ALK: variants seen among roughly 807,000 people sequenced by gnomAD.
ALK encodes ALK receptor tyrosine kinase, also known as ALK tyrosine kinase receptor.
A neutral mutation model predicts 163.1 loss-of-function variants in ALK; 74 were observed. The ratio of observed to expected loss-of-function variants is 0.45; its 90% CI spans 0.38 to 0.55. The LOEUF (loss-of-function observed/expected upper bound fraction) is 0.55. ALK is among the 20% of genes least tolerant of loss of function. The probability of loss-of-function intolerance (pLI) is 0.00; values close to 1 mark genes in which losing one functional copy is unlikely to be tolerated. For missense variants in ALK, 2,063 were observed against 2,105.3 expected, an observed-to-expected ratio of 0.98 and a Z score of 0.39; for synonymous variants, 960 against 843.2, an observed-to-expected ratio of 1.14 and a Z score of -2.40.
intron 4 of ALK, among the ~76,000 whole-genome samples, chr2:29,390,497 G>A (rs56330877): frequency 0.13 from 20,390 of 151,802 alleles, 1,744 homozygotes; most frequent in East Asian, 0.32. Context: ...GTGTCTGGAC[G>A]AGGTGTGAAG....
chr2:29,908,635 T>C (rs1030226688), intron 1 of ALK, among the ~76,000 whole-genome samples: 7 of 152,214 alleles, frequency 4.6e-5, no homozygotes, highest in Admixed American at 3.9e-4. Flanking sequence ...AGAGCTATAG[T>C]TTCCTGTCTC....
At chr2:29,786,820 G>A (rs1192860794) in intron 1 of ALK, among the ~76,000 whole-genome samples, 1 of 152,026 alleles carries the variant, frequency 6.6e-6, no homozygotes, top group Non-Finnish European at 1.5e-5. Flanking sequence ...GAGATGGAGT[G>A]TTGCTCTGTA....
At chr2:29,842,001 C>T (rs893164698) in intron 1 of ALK, among the ~76,000 whole-genome samples, 1 of 151,988 alleles carries the variant, frequency 6.6e-6, no homozygotes, top group Non-Finnish European at 1.5e-5. Context: ...CTCCATCCTC[C>T]TCTTCACTCC....
chr2:29,343,973 G>A (rs929033408), intron 5 of ALK, among the ~76,000 whole-genome samples: 1 of 152,170 alleles, frequency 6.6e-6, no homozygotes. Context: ...GAAAAAAGGT[G>A]AGAAAACAGA....
intron 4 of ALK, among the ~76,000 whole-genome samples, chr2:29,445,856 T>A (rs1007330254): frequency 1.0e-4 from 15 of 150,598 alleles, no homozygotes; most frequent in African/African-American, 3.2e-4. Context: ...TCCCAGCACT[T>A]TGGGAGGCCG....
At chr2:29,228,094 G>A (rs1664067006) in intron 16 of ALK, among the ~76,000 whole-genome samples, 1 of 152,198 alleles carries the variant, frequency 6.6e-6, no homozygotes, top group South Asian at 2.1e-4. Flanking sequence ...TGCGGGAAAT[G>A]AGCCCCTGTG....
intron 24 of ALK, among the ~76,000 whole-genome samples, chr2:29,211,293 AAAAG>A (rs1266486675): frequency 4.6e-5 from 7 of 152,202 alleles, no homozygotes; most frequent in African/African-American, 1.4e-4. Flanking sequence ...TATGACATCA[AAAAG>A]AAAGAAAAAT....
intron 4 of ALK, among the ~76,000 whole-genome samples, chr2:29,450,749 A>G (rs74575818): frequency 0.013 from 1,982 of 152,258 alleles, 12 homozygotes; most frequent in Middle Eastern, 0.027. Context: ...TATGGCCTAT[A>G]AATAATGAGA....
chr2:29,432,503 C>A (rs950682443), intron 4 of ALK, among the ~76,000 whole-genome samples: 1 of 152,090 alleles, frequency 6.6e-6, no homozygotes, highest in African/African-American at 2.4e-5. Context: ...TTATAAATTA[C>A]CGTCTTAGGT....
At chr2:29,475,915 G>C (rs1431346697) in intron 4 of ALK, among the ~76,000 whole-genome samples, 2 of 152,218 alleles carry the variant, frequency 1.3e-5, no homozygotes, top group African/African-American at 4.8e-5. Context: ...CGGCAAATGA[G>C]AACGGTGACA....
At chr2:29,685,183 C>T (rs187502635) in intron 3 of ALK, among the ~76,000 whole-genome samples, 13 of 152,272 alleles carry the variant, frequency 8.5e-5, no homozygotes, top group Non-Finnish European at 1.5e-4. Flanking sequence ...TGGCAGCTCA[C>T]CCCAGCCCCT....
At chr2:29,432,384 C>A (rs1670292963) in intron 4 of ALK, among the ~76,000 whole-genome samples, 1 of 152,140 alleles carries the variant, frequency 6.6e-6, no homozygotes, top group Admixed American at 6.6e-5. Flanking sequence ...GCTCCCCCGC[C>A]CCTTCTGCTA....
chr2:29,379,817 A>T (rs897684814), intron 5 of ALK, among the ~76,000 whole-genome samples: 1 of 152,244 alleles, frequency 6.6e-6, no homozygotes, highest in Non-Finnish European at 1.5e-5. Flanking sequence ...AAGAATATAG[A>T]AAGAATAAGA....
At chr2:29,707,461 C>T (rs571836830) in intron 2 of ALK, among the ~76,000 whole-genome samples, 4 of 152,222 alleles carry the variant, frequency 2.6e-5, no homozygotes, top group South Asian at 2.1e-4. Flanking sequence ...GGCTCTTTGC[C>T]TGGGAGGACC....
chr2:29,342,490 A>C (rs1667821687), intron 5 of ALK, among the ~76,000 whole-genome samples: 1 of 152,176 alleles, frequency 6.6e-6, no homozygotes, highest in Non-Finnish European at 1.5e-5. Context: ...TCAGTTTGGG[A>C]AGTTAAAAAA....
Position 29,605,741 on chromosome 2 carries a change from T to C in ALK, c.953-73625A>G, listed in dbSNP as rs186824948. On this transcript the variant is annotated intron_variant, in intron 3 of 28. Transcript: ENST00000389048. The stretch of plus-strand genomic sequence containing the variant: ...AACTATGAGAAATCAATGTATGTTG[T>C]TTAAGCCACCCAGTATATGATACTT... Among the ~76,000 whole-genome samples, 90 of 152,290 alleles carry C rather than the reference T, an allele frequency of 5.9e-4. 4 individuals carry two copies. The East Asian group carries it at 0.017, about 28-fold the overall frequency.
At chr2:29,254,930 A>ACC (rs1664915388) in intron 11 of ALK, among the ~76,000 whole-genome samples, 1 of 152,188 alleles carries the variant, frequency 6.6e-6, no homozygotes, top group African/African-American at 2.4e-5. Context: ...GTTTCCATAC[A>ACC]CAAAATTTTG....
chr2:29,744,746 T>C (rs1680163094), intron 1 of ALK, among the ~76,000 whole-genome samples: 2 of 152,028 alleles, frequency 1.3e-5, no homozygotes, highest in Non-Finnish European at 2.9e-5. Flanking sequence ...AGCCGGAACA[T>C]CATCTGTAAG....
intron 3 of ALK, among the ~76,000 whole-genome samples, chr2:29,606,666 T>C (rs1344461621): frequency 6.6e-6 from 1 of 152,214 alleles, no homozygotes; most frequent in Non-Finnish European, 1.5e-5. Flanking sequence ...AAATAAAGTT[T>C]TATTGAAACA....
Sources: gnomAD v4.1 joint callset for allele counts (sites outside exome capture counted in the v4.1 genomes callset) on GRCh38, gnomAD v4.1.1 for gene constraint, MANE v1.5 for transcripts, NCBI Gene and HGNC (gene_info 2026-07-23, HGNC 2026-07-21) for gene names.